The following GABRB1 variants were observed in gnomAD, a reference collection of about 807,000 sequenced individuals.
GABRB1 encodes gamma-aminobutyric acid type A receptor subunit beta1, also known as gamma-aminobutyric acid receptor subunit beta-1.
Under a neutral mutation model 51.6 loss-of-function variants are expected in GABRB1, and 17 were observed. The observed-to-expected ratio is 0.33, with a 90% confidence interval of 0.23 to 0.49. The LOEUF (loss-of-function observed/expected upper bound fraction) is 0.49. GABRB1 is among the 20% of genes least tolerant of loss of function. The pLI, the probability that GABRB1 is intolerant of heterozygous loss-of-function variation, is 0.99. For synonymous variants in GABRB1, 247 were observed against 218.9 expected, an observed-to-expected ratio of 1.13 and a Z score of -1.14; for missense variants, 410 against 600.6, an observed-to-expected ratio of 0.68 and a Z score of 3.32.
At chr4:47,019,873 TTATA>T (rs1358881706) in intron 1 of GABRB1, among the ~76,000 whole-genome samples, 5 of 142,010 alleles carry the variant, frequency 3.5e-5, no homozygotes, top group Non-Finnish European at 7.6e-5. Context: ...CCTGGCTAAT[TTATA>T]TATATATATA....
chr4:47,167,431 T>G (rs1344949672), intron 4 of GABRB1, among the ~76,000 whole-genome samples: 1 of 152,072 alleles, frequency 6.6e-6, no homozygotes, highest in African/African-American at 2.4e-5. Flanking sequence ...CTTTTTAAAT[T>G]TTTTGCCTTC....
At chr4:47,070,724 C>T (rs1727298950) in intron 3 of GABRB1, among the ~76,000 whole-genome samples, 1 of 152,184 alleles carries the variant, frequency 6.6e-6, no homozygotes, top group African/African-American at 2.4e-5. Flanking sequence ...TTCTCAGCTT[C>T]CTTTGCTGCT....
intron 5 of GABRB1, among the ~76,000 whole-genome samples, chr4:47,354,980 GTTTTTT>G (rs71195627): frequency 4.5e-5 from 2 of 44,252 alleles, no homozygotes; most frequent in African/African-American, 2.0e-4. Flanking sequence ...TTCTTCCTTT[GTTTTTT>G]TTTTTTTTTT....
In GABRB1 at chr4:47,031,725, C is replaced by G. The variant is rs1725307754; in HGVS notation, c.74C>G (p.Ala25Gly). ...FPVMITMVCCAHSTNEPSNMS... is the reference protein window; with the variant it reads ...FPVMITMVCCGHSTNEPSNMS... ...GTGATGATTACCATGGTCTGTTGTG[C>G]ACACAGGTGAGCTGCTGTTGTTGAA... The change falls in exon 1 of 9, where the codon GCA becomes GGA. Residue 25 changes from alanine to glycine, a missense_variant. Coordinates refer to ENST00000295454, the MANE Select transcript of GABRB1 (RefSeq NM_000812.4). The G allele has an allele frequency of 1.9e-6, 3 of 1,612,746 alleles. No individual in the cohort carries two copies. The South Asian group carries it at 3.3e-5, about 18-fold the overall frequency.
intron 3 of GABRB1, among the ~76,000 whole-genome samples, chr4:47,048,119 T>C (rs779878152): frequency 2.6e-4 from 40 of 152,186 alleles, no homozygotes; most frequent in Non-Finnish European, 5.0e-4. Context: ...ATTTTTACTT[T>C]ATAAATTACA....
intron 4 of GABRB1, among the ~76,000 whole-genome samples, chr4:47,306,531 A>G (rs1724476944): frequency 6.6e-6 from 1 of 151,848 alleles, no homozygotes; most frequent in South Asian, 2.1e-4. Flanking sequence ...TTATAGATTA[A>G]TCCAATACCA....
intron 3 of GABRB1, among the ~76,000 whole-genome samples, chr4:47,108,487 T>TA (rs1457901077): frequency 6.6e-6 from 1 of 151,996 alleles, no homozygotes; most frequent in Non-Finnish European, 1.5e-5. Context: ...TCTTCTTTAA[T>TA]AAAAAAGCAT....
At chr4:47,022,030 GCTC>G (rs1724942961) in intron 1 of GABRB1, among the ~76,000 whole-genome samples, 1 of 151,790 alleles carries the variant, frequency 6.6e-6, no homozygotes, top group African/African-American at 2.4e-5. Flanking sequence ...TAAACTCATG[GCTC>G]CTCCTCTAAC....
intron 5 of GABRB1, among the ~76,000 whole-genome samples, chr4:47,401,740 A>G (rs1728391576): frequency 6.6e-6 from 1 of 152,220 alleles, no homozygotes; most frequent in East Asian, 1.9e-4. Flanking sequence ...CTAAGAAAGG[A>G]GTTTTGTATT....
At chr4:47,330,595 C>A (rs1725442953) in intron 5 of GABRB1, among the ~76,000 whole-genome samples, 2 of 152,108 alleles carry the variant, frequency 1.3e-5, no homozygotes, top group Admixed American at 1.3e-4. Flanking sequence ...CACAGAGACA[C>A]TTCAACTAAT....
intron 3 of GABRB1, among the ~76,000 whole-genome samples, chr4:47,160,403 C>T (rs999963266): frequency 1.1e-4 from 16 of 152,072 alleles, no homozygotes; most frequent in African/African-American, 3.6e-4. Context: ...ACTCATCCAT[C>T]GATAAGTTGT....
At chr4:47,176,197 G>A (rs1241332728) in intron 4 of GABRB1, among the ~76,000 whole-genome samples, 2 of 152,018 alleles carry the variant, frequency 1.3e-5, no homozygotes, top group African/African-American at 2.4e-5. Context: ...TATTATGAAC[G>A]AGCAGAGTCA....
chr4:47,415,819 A>G (rs991408398), intron 8 of GABRB1, among the ~76,000 whole-genome samples: 2 of 152,210 alleles, frequency 1.3e-5, no homozygotes, highest in African/African-American at 2.4e-5. Context: ...TTCCCAATTC[A>G]TTCAGATACA....
chr4:47,278,307 AT>A (rs1723157491), intron 4 of GABRB1, among the ~76,000 whole-genome samples: 1 of 152,154 alleles, frequency 6.6e-6, no homozygotes, highest in South Asian at 2.1e-4. Flanking sequence ...TCAAGTAACT[AT>A]TTTGCCAATT....
intron 4 of GABRB1, among the ~76,000 whole-genome samples, chr4:47,185,614 C>A (rs1391855988): frequency 6.6e-6 from 1 of 151,804 alleles, no homozygotes; most frequent in Middle Eastern, 3.2e-3. Context: ...TCATTCAAAA[C>A]TATACTTGAA....
At chr4:47,139,324 G>T (rs1022789646) in intron 3 of GABRB1, among the ~76,000 whole-genome samples, 2 of 151,970 alleles carry the variant, frequency 1.3e-5, no homozygotes, top group African/African-American at 4.8e-5. Flanking sequence ...AGTTTGAATT[G>T]GTTTTAGGGT....
At chr4:47,052,129 CA>C (rs1726379255) in intron 3 of GABRB1, among the ~76,000 whole-genome samples, 1 of 151,796 alleles carries the variant, frequency 6.6e-6, no homozygotes, top group African/African-American at 2.4e-5. Context: ...GACCCTGTCT[CA>C]AAAAATAAAT....
Position 47,164,269 on chromosome 4 carries a change from A to T in GABRB1, c.461+2800A>T, listed in dbSNP as rs1718080166. ...AAACGCAAATTCCATTGCTTCTGTG[A>T]TCCTATGTATTAGGGCATGTTCATT... On this transcript the variant is annotated intron_variant, in intron 4 of 8. Transcript: ENST00000295454. Among the ~76,000 whole-genome samples, 4 of 152,054 alleles carry T rather than the reference A, an allele frequency of 2.6e-5. No homozygotes were observed. In the South Asian group the frequency reaches 8.3e-4, roughly 32 times the overall value.
At position 47,032,073 on chromosome 4, in the gene GABRB1, C is replaced by CAAAAAAAAAAAAAA; in HGVS notation, c.172+81_172+82insAAAAAAAAAAAAAA. ...CTCCTTTTCTGTCAAAGATAAATGT[C>CAAAAAAAAAAAAAA]AAAAAAAAAAAAAGAAAAGGCATGT... On this transcript the variant is annotated intron_variant, in intron 2 of 8. Coordinates refer to ENST00000295454, the MANE Select transcript of GABRB1 (RefSeq NM_000812.4). The CAAAAAAAAAAAAAA allele has an allele frequency of 1.8e-5, 8 of 449,858 alleles. 1 individual carries two copies. The Admixed American group carries it at 1.9e-4, about 11-fold the overall frequency. 27.9% of individuals were successfully genotyped at this position (449,858 alleles called of 1,614,324 possible).
Sources: allele counts gnomAD v4.1 joint callset (sites outside exome capture counted in the v4.1 genomes callset), GRCh38; gene constraint gnomAD v4.1.1; transcripts MANE v1.5; gene names NCBI Gene and HGNC (gene_info 2026-07-23, HGNC 2026-07-21).